OSTM1: variants seen among roughly 807,000 people sequenced by gnomAD.
OSTM1 encodes osteoclastogenesis associated transmembrane protein 1.
Under a neutral mutation model 35.4 loss-of-function variants are expected in OSTM1, and 26 were observed. The observed-to-expected ratio is 0.73, with a 90% CI of 0.54 to 1.02. The LOEUF (loss-of-function observed/expected upper bound fraction) is 1.02. OSTM1 is among the 50% of genes least tolerant of loss of function. The pLI, the probability that OSTM1 is intolerant of heterozygous loss-of-function variation, is 0.00. For synonymous variants in OSTM1, 181 were observed against 165.0 expected, an observed-to-expected ratio of 1.10 and a Z score of -0.75; for missense variants, 366 against 409.6, an observed-to-expected ratio of 0.89 and a Z score of 0.92.
intron 5 of OSTM1, among the ~76,000 whole-genome samples, chr6:108,046,168 A>ATTTTTTTTTTTTTTT (rs750495431): frequency 1.1e-5 from 1 of 93,484 alleles, no homozygotes; most frequent in Non-Finnish European, 1.9e-5. Flanking sequence ...CGCCCAGCTA[A>ATTTTTTTTTTTTTTT]TTTTTTTTTT....
chr6:108,074,628 C>T lies in OSTM1; in HGVS notation c.24G>A (p.Ala8=). 6.4e-7 allele frequency: 1 copy of T among 1,558,420 alleles called. No individual in the cohort carries two copies. The part of the protein sequence containing the change: MEPGPTA[A]QRRCSLPPWL... ...ACGGCGGCAACGAACACCTCCGCTG[C>T]GCGGCTGTCGGGCCCGGCTCCATCA... is the stretch of plus-strand genomic sequence containing the variant. Residue 8 remains alanine, a synonymous_variant, in exon 1 of 6, where the codon GCG becomes GCA. Transcript: ENST00000193322.
At position 108,074,431 on chromosome 6, in the gene OSTM1, G is replaced by A. The variant is rs141735624; in HGVS notation, c.221C>T (p.Pro74Leu). 9 of 1,560,526 alleles carry A rather than the reference G, an allele frequency of 5.8e-6. No individual in the cohort carries two copies. The highest frequency in any genetic ancestry group is 7.8e-6 in the Non-Finnish European group (9 of 1,152,424). The change falls in exon 1 of 6, where the codon CCC (proline) becomes CTC (leucine). Residue 74 changes from proline (P) to leucine (L), a missense_variant. This residue lies in a region of OSTM1 where 236 missense variants were observed against 239.3 expected (regional missense o/e 0.99). Transcript: ENST00000193322. The part of the protein sequence containing the change: ...QGGGLGPLSL[P>L]PDLPDLDPEC... ...AGGATCCAGATCCGGCAGGTCCGGGGGCAGCGACAGAGGCCCCAGCCCTCC... is the reference window on the plus strand; with the variant it reads ...AGGATCCAGATCCGGCAGGTCCGGGAGCAGCGACAGAGGCCCCAGCCCTCC...
intron 5 of OSTM1, among the ~76,000 whole-genome samples, chr6:108,045,239 C>A (rs1771946259): frequency 1.3e-5 from 2 of 151,968 alleles, no homozygotes; most frequent in Admixed American, 1.3e-4. Flanking sequence ...TCAGTGAAAA[C>A]TTCCCCAACC....
At chr6:108,070,646 C>G (rs1287578989) in intron 1 of OSTM1, among the ~76,000 whole-genome samples, 4 of 149,738 alleles carry the variant, frequency 2.7e-5, no homozygotes. Flanking sequence ...TCCCAGCACT[C>G]TGGGAGGCCG....
At position 108,049,284 on chromosome 6, in the gene OSTM1, G is replaced by A. The variant is rs1297029951; in HGVS notation, c.918C>T (p.His306=). 6 of 1,612,720 alleles carry A rather than the reference G, an allele frequency of 3.7e-6. No individual in the cohort carries two copies. The change falls in exon 5 of 6, where the codon CAC becomes CAT. Residue 306 remains histidine, a synonymous_variant. Coordinates refer to ENST00000193322, the MANE Select transcript of OSTM1 (RefSeq NM_014028.4). ...TGAGTTTGCGTTTCTTTTGCTCTGA[G>A]TGAAGAAAGCTACTAAGGTAGAAGA... is the stretch of plus-strand genomic sequence containing the variant. The part of the protein sequence containing the change: ...PVVFYLSSFL[H]SEQKKRKLIL...
At chr6:108,053,222 T>C (rs1772111122) in intron 3 of OSTM1, among the ~76,000 whole-genome samples, 1 of 152,244 alleles carries the variant, frequency 6.6e-6, no homozygotes, top group Non-Finnish European at 1.5e-5. Flanking sequence ...AAAAGAAGAC[T>C]GTTTATGGTG....
Position 108,064,197 on chromosome 6 carries a change from C to A in OSTM1, c.505G>T (p.Ala169Ser). Reference protein sequence around the residue: ...SEFFNTTWQEANCANCLTNNS... With the variant: ...SEFFNTTWQESNCANCLTNNS... ...AAGAATTACTTACTTGCACAATTTG[C>A]CTCCTGCCATGTGGTATTAAAAAAT... The change falls in exon 2 of 6, where the codon GCA becomes TCA. Residue 169 changes from alanine to serine, a missense_variant. Ala to Ser is a moderately conservative substitution (Grantham distance 99). This residue lies in a region of OSTM1 where 236 missense variants were observed against 239.3 expected (regional missense o/e 0.99). Coordinates refer to ENST00000193322, the MANE Select transcript of OSTM1 (RefSeq NM_014028.4). The A allele has an allele frequency of 6.5e-7, 1 of 1,537,256 alleles. No individual in the cohort carries two copies. Among genetic ancestry groups the A allele is most frequent in the Non-Finnish European group, 9.0e-7 (1 of 1,112,036 alleles).
intron 2 of OSTM1, 103 bp downstream of exon 2, chr6:108,064,082 A>C: frequency 1.4e-6 from 1 of 713,438 alleles, no homozygotes; most frequent in East Asian, 2.6e-5. Context: ...TTAGCAATAA[A>C]AAGTATTATC....
At chr6:108,051,220 T>C in intron 3 of OSTM1, 22 bp from the exon 4 acceptor site, 1 of 1,541,220 alleles carries the variant, frequency 6.5e-7, no homozygotes, top group Non-Finnish European at 9.0e-7. Context: ...AAGGCACATG[T>C]AATATATACA....
chr6:108,055,962 A>G (rs1220479819), intron 2 of OSTM1, among the ~76,000 whole-genome samples: 1 of 152,132 alleles, frequency 6.6e-6, no homozygotes, highest in Non-Finnish European at 1.5e-5. Context: ...ATCTCTCTCA[A>G]CTGGAAGTGG....
rs1280123386 is a variant in OSTM1 at position 108,041,583 on chromosome 6, CTTT to C, written c.*3199_*3201del. The C allele has an allele frequency of 6.6e-6, 1 of 152,030 alleles. No individual in the cohort carries two copies. The highest frequency in any genetic ancestry group is 1.9e-4 in the East Asian group (1 of 5,190). 9.4% of individuals were successfully genotyped at this position (152,030 alleles called of 1,614,324 possible). ...TGTATAATTCAGCATAAGCCAAAGC[CTTT>C]TTAAAATAACCAATACTATCATTTT... On this transcript the variant is annotated 3_prime_UTR_variant, in exon 6 of 6. Coordinates refer to ENST00000193322, the MANE Select transcript of OSTM1 (RefSeq NM_014028.4).
At chr6:108,067,828 T>TAAAAAAAAAAAAAAAAAA (rs60932026) in intron 1 of OSTM1, among the ~76,000 whole-genome samples, 1 of 77,800 alleles carries the variant, frequency 1.3e-5, no homozygotes, top group Non-Finnish European at 2.5e-5. Context: ...AGCCTCTGTC[T>TAAAAAAAAAAAAAAAAAA]AAAAAAAAAA....
intron 2 of OSTM1, among the ~76,000 whole-genome samples, chr6:108,055,392 T>C (rs898614319): frequency 1.1e-4 from 16 of 152,228 alleles, no homozygotes; most frequent in African/African-American, 1.9e-4. Flanking sequence ...TGCCAGCTCA[T>C]TGCAGACTTG....
intron 1 of OSTM1, among the ~76,000 whole-genome samples, chr6:108,065,476 G>A (rs9372180): frequency 0.23 from 35,054 of 151,366 alleles, 4,130 homozygotes; most frequent in Admixed American, 0.26. Context: ...GACCTCAGAC[G>A]ATCCACCTGC....
intron 1 of OSTM1, among the ~76,000 whole-genome samples, chr6:108,071,460 ATTTTTTTTT>A (rs545759140): frequency 1.4e-4 from 14 of 103,420 alleles, no homozygotes; most frequent in African/African-American, 2.5e-4. Context: ...CACCCGGCTA[ATTTTTTTTT>A]TTTTTTTTTT....
At chr6:108,049,164 T>C (rs1272746441) in intron 5 of OSTM1, 89 bp downstream of exon 5, 2 of 828,260 alleles carry the variant, frequency 2.4e-6, no homozygotes, top group Non-Finnish European at 4.0e-6. Flanking sequence ...CTACTTTGAG[T>C]TCTCAGAGTA....
intron 1 of OSTM1, among the ~76,000 whole-genome samples, chr6:108,069,994 C>A (rs1454093771): frequency 1.3e-5 from 2 of 152,090 alleles, no homozygotes; most frequent in African/African-American, 4.8e-5. Context: ...TGAGATTCAG[C>A]TTGTAGGTTT....
Position 108,044,951 on chromosome 6 carries a change from C to T in OSTM1, c.950-111G>A, listed in dbSNP as rs544452536. 7 of 537,676 alleles carry T rather than the reference C, an allele frequency of 1.3e-5. No homozygotes were observed. In the East Asian group the frequency reaches 1.7e-4, roughly 13 times the overall value. The allele number at this position is 537,676 out of a possible 1,614,324, so 33.3% of individuals were successfully genotyped here. A position where few individuals can be genotyped will look rare whatever the true frequency, so the allele number is the denominator to read the frequency against. ...TATCTATTAATTCTATGTTTGAATC[C>T]TAACAGTTCCAGCCTTATAAGAATT... On this transcript the variant is annotated intron_variant, in intron 5 of 5. Transcript: ENST00000193322.
intron 1 of OSTM1, among the ~76,000 whole-genome samples, chr6:108,069,908 T>C (rs1772450855): frequency 2.6e-5 from 4 of 152,212 alleles, no homozygotes; most frequent in African/African-American, 9.7e-5. Flanking sequence ...GATTCTTTTT[T>C]TCTCCTTATT....
Sources: gnomAD v4.1 joint callset for allele counts (sites outside exome capture counted in the v4.1 genomes callset) on GRCh38, gnomAD v4.1.1 for gene constraint, gnomAD v4.1.1 regional missense constraint, MANE v1.5 for transcripts, NCBI Gene and HGNC (gene_info 2026-07-23, HGNC 2026-07-21) for gene names.